The following NRG1 variants were observed in gnomAD, a reference collection of about 807,000 sequenced individuals.
NRG1 encodes neuregulin 1, also known as pro-neuregulin-1, membrane-bound isoform.
NRG1 carries 18 observed loss-of-function variants against 63.8 expected under a neutral mutation model. That is an observed-to-expected ratio of 0.28 (90% confidence interval 0.19 to 0.42). The LOEUF (loss-of-function observed/expected upper bound fraction) is 0.42, where lower values mean the gene tolerates loss of function less well. Ranked by LOEUF, NRG1 falls within the 10% of genes least tolerant of loss-of-function variation. The pLI is 1.00. For missense variants in NRG1, 762 were observed against 814.7 expected, an observed-to-expected ratio of 0.94 and a Z score of 0.79; for synonymous variants, 302 against 301.3, an observed-to-expected ratio of 1.00 and a Z score of -0.02.
At chr8:31,732,150 A>G (rs928491406) in intron 1 of NRG1, among the ~76,000 whole-genome samples, 3 of 151,840 alleles carry the variant, frequency 2.0e-5, no homozygotes, top group Non-Finnish European at 4.4e-5. Context: ...GACCTTTCTC[A>G]CTCCTCTTCA....
chr8:32,105,804 G>A (rs894131801), intron 1 of NRG1, among the ~76,000 whole-genome samples: 2 of 152,072 alleles, frequency 1.3e-5, no homozygotes, highest in Admixed American at 1.3e-4. Flanking sequence ...AATTATAAAT[G>A]TATTATCATT....
At chr8:32,114,866 G>T (rs1036475945) in intron 1 of NRG1, among the ~76,000 whole-genome samples, 1 of 152,142 alleles carries the variant, frequency 6.6e-6, no homozygotes, top group Admixed American at 6.6e-5. Context: ...ATGTTGACAA[G>T]ACAAATGTCT....
intron 5 of NRG1, among the ~76,000 whole-genome samples, chr8:32,633,488 C>T (rs1224138619): frequency 6.6e-6 from 1 of 152,162 alleles, no homozygotes; most frequent in Admixed American, 6.5e-5. Context: ...CAGAAGAAAA[C>T]ATTTCCATAA....
chr8:32,466,371 C>A (rs1169000699), intron 1 of NRG1, among the ~76,000 whole-genome samples: 94 of 125,002 alleles, frequency 7.5e-4, no homozygotes, highest in East Asian at 1.1e-3. Context: ...ACCTTGACAT[C>A]AAAAAAAAAA....
intron 1 of NRG1, among the ~76,000 whole-genome samples, chr8:32,539,409 C>T (rs1486010514): frequency 2.0e-5 from 3 of 152,134 alleles, no homozygotes; most frequent in African/African-American, 7.2e-5. Context: ...GCAAGACAGG[C>T]GATGAGAATA....
intron 1 of NRG1, among the ~76,000 whole-genome samples, chr8:32,282,205 A>ACACC (rs1474411073): frequency 6.6e-6 from 1 of 152,196 alleles, no homozygotes; most frequent in African/African-American, 2.4e-5. Flanking sequence ...CCTTTGGTGG[A>ACACC]CAAAGTATCA....
At chr8:31,818,736 G>T (rs1586624363) in intron 1 of NRG1, among the ~76,000 whole-genome samples, 1 of 152,236 alleles carries the variant, frequency 6.6e-6, no homozygotes, top group East Asian at 1.9e-4. Flanking sequence ...TCAGTAAGCT[G>T]GGAGTTGGGG....
chr8:31,691,123 CACCCTTTTTG>C (rs1276519593), intron 1 of NRG1, among the ~76,000 whole-genome samples: 1 of 152,128 alleles, frequency 6.6e-6, no homozygotes, highest in Non-Finnish European at 1.5e-5. Context: ...GAGCCCTCTG[CACCCTTTTTG>C]ACAGCAGTAG....
At chr8:31,685,280 T>G (rs1259450524) in intron 1 of NRG1, among the ~76,000 whole-genome samples, 1 of 152,168 alleles carries the variant, frequency 6.6e-6, no homozygotes, top group East Asian at 1.9e-4. Flanking sequence ...AAATCTGTCC[T>G]GAAAACACCA....
chr8:31,894,655 A>C (rs1359301055), intron 1 of NRG1, among the ~76,000 whole-genome samples: 1 of 146,850 alleles, frequency 6.8e-6, no homozygotes, highest in Non-Finnish European at 1.5e-5. Flanking sequence ...GGTTCACGCC[A>C]TTCTCCTGCC....
chr8:32,450,972 C>T (rs1820882564), intron 1 of NRG1, among the ~76,000 whole-genome samples: 1 of 152,014 alleles, frequency 6.6e-6, no homozygotes, highest in African/African-American at 2.4e-5. Flanking sequence ...AAGGGAGTTG[C>T]CCTCAACTAC....
chr8:31,660,346 A>G (rs1805862348), intron 1 of NRG1, among the ~76,000 whole-genome samples: 1 of 152,212 alleles, frequency 6.6e-6, no homozygotes, highest in African/African-American at 2.4e-5. Flanking sequence ...GTTTAGACAA[A>G]GGAGAAGGCA....
Position 31,640,614 on chromosome 8 carries a change from G to A in NRG1, c.37+1183G>A. 1 of 1,611,906 alleles carries A rather than the reference G, an allele frequency of 6.2e-7. No homozygotes were observed. The highest frequency in any genetic ancestry group is 8.5e-7 in the Non-Finnish European group (1 of 1,179,562). On this transcript the variant is annotated intron_variant, in intron 1 of 10. Transcript: ENST00000519301. This position sits in a 1 kb window ranked among gnomAD's most constrained non-coding sequence, Gnocchi z 6.3. ...ACAGCAGGTACATCTTCTTCATGGAGCCCGACGCCAACAGCACCAGCCGCG... is the reference window on the plus strand; with the variant it reads ...ACAGCAGGTACATCTTCTTCATGGAACCCGACGCCAACAGCACCAGCCGCG...
At chr8:32,258,713 C>A (rs1296269806) in intron 1 of NRG1, among the ~76,000 whole-genome samples, 1 of 152,144 alleles carries the variant, frequency 6.6e-6, no homozygotes, top group Non-Finnish European at 1.5e-5. Flanking sequence ...GTTTTTTGCA[C>A]AGACAAAACC....
intron 1 of NRG1, among the ~76,000 whole-genome samples, chr8:32,390,704 G>T (rs902446078): frequency 6.6e-6 from 1 of 151,212 alleles, no homozygotes; most frequent in Non-Finnish European, 1.5e-5. Flanking sequence ...CAATGCCCAC[G>T]TCCTCCATCA....
chr8:31,743,719 C>T (rs866124846), intron 1 of NRG1, among the ~76,000 whole-genome samples: 25 of 152,016 alleles, frequency 1.6e-4, no homozygotes, highest in Middle Eastern at 3.4e-3. Context: ...GTTGGAAAGT[C>T]TTGCTTTAAA....
intron 1 of NRG1, among the ~76,000 whole-genome samples, chr8:32,243,642 C>G (rs1159143955): frequency 6.6e-6 from 1 of 152,026 alleles, no homozygotes; most frequent in Non-Finnish European, 1.5e-5. Flanking sequence ...AGGTATGAAC[C>G]AGACTTCATA....
chr8:32,200,655 G>T (rs1843409745), intron 1 of NRG1, among the ~76,000 whole-genome samples: 1 of 152,166 alleles, frequency 6.6e-6, no homozygotes, highest in Non-Finnish European at 1.5e-5. Context: ...ATCACAAGGG[G>T]ATCAGATAGA....
chr8:32,205,215 T>A (rs1049887223), intron 1 of NRG1, among the ~76,000 whole-genome samples: 1 of 152,202 alleles, frequency 6.6e-6, no homozygotes, highest in Non-Finnish European at 1.5e-5. Context: ...TGGATGGGTT[T>A]TTTTATATTT....
Sources: gnomAD v4.1 joint callset for allele counts (sites outside exome capture counted in the v4.1 genomes callset) on GRCh38, gnomAD v4.1.1 for gene constraint, Gnocchi (gnomAD v3.1) non-coding constraint, MANE v1.5 for transcripts, NCBI Gene and HGNC (gene_info 2026-07-23, HGNC 2026-07-21) for gene names.